The following SSX2IP variants were observed in gnomAD, a reference collection of about 807,000 sequenced individuals.
SSX2IP encodes afadin- and alpha-actinin-binding protein.
SSX2IP carries 55 observed loss-of-function variants against 84.9 expected under a neutral mutation model. That is an observed-to-expected ratio of 0.65 (90% CI 0.52 to 0.81). SSX2IP has a LOEUF of 0.81. Among genes scored for constraint, SSX2IP ranks in the 30% least tolerant of loss-of-function variants. SSX2IP has a pLI of 0.00. For synonymous variants in SSX2IP, 239 were observed against 234.7 expected (o/e 1.02, Z -0.17); for missense variants, 664 against 705.2 (o/e 0.94, Z 0.66).
chr1:84,690,226 C>CG (rs1456651151), intron 1 of SSX2IP, 145 bp downstream of exon 1: 1 of 152,124 alleles, frequency 6.6e-6, no homozygotes, highest in Non-Finnish European at 1.5e-5. Flanking sequence ...AACAGCCGCG[C>CG]GGAGCCTCCC....
At chr1:84,661,397 G>A (rs1342677077) in intron 8 of SSX2IP, among the ~76,000 whole-genome samples, 1 of 151,094 alleles carries the variant, frequency 6.6e-6, no homozygotes, top group Non-Finnish European at 1.5e-5. Context: ...CCATTCTCTG[G>A]AATGCTTTCT....
At chr1:84,654,346 T>C (rs955483374) in intron 11 of SSX2IP, among the ~76,000 whole-genome samples, 1 of 151,992 alleles carries the variant, frequency 6.6e-6, no homozygotes, top group South Asian at 2.1e-4. Flanking sequence ...TCAGTAAAAC[T>C]AAACACTAGG....
chr1:84,684,686 G>A (rs149365731), intron 1 of SSX2IP, among the ~76,000 whole-genome samples: 1 of 152,196 alleles, frequency 6.6e-6, no homozygotes, highest in East Asian at 1.9e-4. Flanking sequence ...TCACAATAGC[G>A]AGTAGCACAA....
At chr1:84,679,047 C>A (rs1654739083) in intron 1 of SSX2IP, among the ~76,000 whole-genome samples, 1 of 152,152 alleles carries the variant, frequency 6.6e-6, no homozygotes, top group Non-Finnish European at 1.5e-5. Context: ...GTTAGAGTTA[C>A]CACACTGTTG....
In SSX2IP at chr1:84,663,854, A is replaced by C. The variant is rs148058871; in HGVS notation, c.673+563T>G. Among the ~76,000 whole-genome samples, 280 of 152,298 alleles carry C rather than the reference A, an allele frequency of 1.8e-3. 2 individuals carry two copies. The highest frequency in any genetic ancestry group is 6.4e-3 in the African/African-American group (266 of 41,552). On this transcript the variant is annotated intron_variant, in intron 6 of 13. Transcript: ENST00000342203. ...CGTGTTTCTTTGCTTTTTAATTTAC[A>C]CTATCTACTTGAAATTATCCACATA... is the stretch of plus-strand genomic sequence containing the variant.
At position 84,684,682 on chromosome 1, in the gene SSX2IP, T is replaced by C. The variant is rs201831427; in HGVS notation, c.-90+5689A>G. The stretch of plus-strand genomic sequence containing the variant: ...ACCTATACAGCAGCATTCTTCACAA[T>C]AGCGAGTAGCACAAGAGTATCACCC... On this transcript the variant is annotated intron_variant, in intron 1 of 13. Transcript: ENST00000342203. 5.3e-5 allele frequency among the ~76,000 whole-genome samples: 8 copies of C among 152,192 alleles called. No homozygotes were observed. In the East Asian group the frequency reaches 7.7e-4, roughly 15 times the overall value.
At chr1:84,682,817 A>G (rs544758552) in intron 1 of SSX2IP, among the ~76,000 whole-genome samples, 51 of 152,288 alleles carry the variant, frequency 3.3e-4, no homozygotes, top group African/African-American at 1.2e-3. Context: ...TCACATTTTT[A>G]TAACAATGTG....
intron 1 of SSX2IP, among the ~76,000 whole-genome samples, chr1:84,689,443 G>A (rs1341616553): frequency 6.6e-6 from 1 of 152,172 alleles, no homozygotes; most frequent in African/African-American, 2.4e-5. Flanking sequence ...AGTTCAAGAA[G>A]CCTCCACCCT....
chr1:84,652,086 G>T, intron 11 of SSX2IP, 89 bp from the exon 12 acceptor site: 1 of 931,522 alleles, frequency 1.1e-6, no homozygotes. Context: ...ATCTTTGTTT[G>T]CTCTCTGGCT....
intron 1 of SSX2IP, among the ~76,000 whole-genome samples, chr1:84,685,320 C>T (rs1003913235): frequency 6.6e-6 from 1 of 152,172 alleles, no homozygotes; most frequent in African/African-American, 2.4e-5. Flanking sequence ...GCTAGAGTTT[C>T]AGAGGATCTA....
chr1:84,658,142 TA>T, intron 9 of SSX2IP, 175 bp downstream of exon 9: 1 of 672,662 alleles, frequency 1.5e-6, no homozygotes, highest in Non-Finnish European at 2.4e-6. Context: ...TCTCAAAAAG[TA>T]AAATAAAATA....
At chr1:84,682,905 G>A (rs1655279701) in intron 1 of SSX2IP, among the ~76,000 whole-genome samples, 1 of 152,144 alleles carries the variant, frequency 6.6e-6, no homozygotes, top group Admixed American at 6.5e-5. Flanking sequence ...AATTTATTAA[G>A]CATGTAGCAA....
chr1:84,687,932 T>A (rs545531299), intron 1 of SSX2IP, among the ~76,000 whole-genome samples: 36 of 152,186 alleles, frequency 2.4e-4, no homozygotes, highest in Non-Finnish European at 4.4e-4. Context: ...CAGACACAGC[T>A]GAAATTCTCC....
rs776353463 is a variant in SSX2IP at position 84,678,925 on chromosome 1, T to C, written c.-89-7617A>G. Among the ~76,000 whole-genome samples, 4 of 152,306 alleles carry C rather than the reference T, an allele frequency of 2.6e-5. No individual in the cohort carries two copies. The East Asian group carries it at 5.8e-4, about 22-fold the overall frequency. On this transcript the variant is annotated intron_variant, in intron 1 of 13. Transcript: ENST00000342203. ...AACAATTTCAGTCGACAGAAAATAA[T>C]AGCTTTCCATTATAGAGGGACATGG...
In SSX2IP at chr1:84,647,295, G is replaced by C; in HGVS notation, c.*138C>G. 3.2e-6 allele frequency: 2 copies of C among 624,684 alleles called. No individual in the cohort carries two copies. The highest frequency in any genetic ancestry group is 5.2e-6 in the Non-Finnish European group (2 of 388,008). The allele number at this position is 624,684 out of a possible 1,614,324, so 38.7% of individuals were successfully genotyped here. On this transcript the variant is annotated 3_prime_UTR_variant, in exon 14 of 14. Transcript: ENST00000342203. ...TAGATTTAAGATTTCAACTCTTTGG[G>C]GGAAGACAGGGAAGTCCAAACAAAC...
intron 3 of SSX2IP, 153 bp downstream of exon 3, chr1:84,670,493 G>T: frequency 2.0e-6 from 1 of 506,554 alleles, no homozygotes; most frequent in Non-Finnish European, 3.3e-6. Flanking sequence ...GCTATCTCTA[G>T]ATGAGATAAT....
In SSX2IP at chr1:84,655,905, A is replaced by G; in HGVS notation, c.1316T>C (p.Phe439Ser). The change falls in exon 11 of 14, where the codon TTT (phenylalanine) becomes TCT (serine). Residue 439 changes from phenylalanine (F) to serine (S), a missense_variant. Transcript: ENST00000342203. ...CTCAAAATTCTTTTTCTGCTCTTTA[A>G]AAAGGGACCATTCTTCTTTGAGACG... ...KERLKEEWSL[F>S]KEQKKNFERE... 1 of 1,614,030 alleles carries G rather than the reference A, an allele frequency of 6.2e-7. No homozygotes were observed. The highest frequency in any genetic ancestry group is 8.5e-7 in the Non-Finnish European group (1 of 1,179,952).
intron 9 of SSX2IP, 107 bp from the exon 10 acceptor site, chr1:84,656,591 G>A: frequency 1.9e-6 from 2 of 1,031,548 alleles, no homozygotes; most frequent in Non-Finnish European, 2.6e-6. Flanking sequence ...TATCTTTCTA[G>A]AATTTTATAG....
chr1:84,663,328 T>A (rs1251627727), intron 6 of SSX2IP, among the ~76,000 whole-genome samples: 4 of 152,148 alleles, frequency 2.6e-5, no homozygotes, highest in Non-Finnish European at 5.9e-5. Flanking sequence ...CAGAACTAAA[T>A]CCTTAATAAA....
Sources: allele counts gnomAD v4.1 joint callset (sites outside exome capture counted in the v4.1 genomes callset), GRCh38; gene constraint gnomAD v4.1.1; transcripts MANE v1.5; gene names NCBI Gene and HGNC (gene_info 2026-07-23, HGNC 2026-07-21).